Variants in CD5 observed in about 807,000 individuals in gnomAD.
CD5 encodes the protein CD5 molecule, also known as T-cell surface glycoprotein CD5.
Under a neutral mutation model 60.3 loss-of-function variants are expected in CD5, and 36 were observed. That is an observed-to-expected ratio of 0.60 (90% CI 0.46 to 0.79). The LOEUF is 0.79. Among genes scored for constraint, CD5 ranks in the 30% least tolerant of loss-of-function variants. The pLI is 0.00. For synonymous variants in CD5, 230 were observed against 257.6 expected (o/e 0.89, Z 1.03); for missense variants, 540 against 630.6 (o/e 0.86, Z 1.54).
intron 2 of CD5, among the ~76,000 whole-genome samples, chr11:61,115,496 G>T (rs115187369): frequency 0.029 from 4,463 of 152,268 alleles, 158 homozygotes; most frequent in African/African-American, 0.081. Flanking sequence ...GGTAAAGTGT[G>T]TGGAACGTCC....
At position 61,119,586 on chromosome 11, in the gene CD5, C is replaced by A. The variant is rs79295876; in HGVS notation, c.805+11C>A. On this transcript the variant is annotated intron_variant, in intron 5 of 10. Transcript: ENST00000347785. ...CCCTCCTTTGCTCAGGTAAGTGAGACCTGGCCAAGCCCCATGACACCTTCT... is the reference window on the plus strand; with the variant it reads ...CCCTCCTTTGCTCAGGTAAGTGAGAACTGGCCAAGCCCCATGACACCTTCT... The A allele has an allele frequency of 9.0e-4, 1,421 of 1,585,988 alleles. No individual in the cohort carries two copies. The highest frequency in any genetic ancestry group is 9.7e-4 in the Non-Finnish European group (1,132 of 1,166,038).
intron 2 of CD5, among the ~76,000 whole-genome samples, chr11:61,116,597 C>T (rs977436645): frequency 1.7e-5 from 1 of 60,568 alleles, no homozygotes; most frequent in Non-Finnish European, 3.4e-5. Context: ...GCACACTACA[C>T]ACCACACACC....
intron 2 of CD5, among the ~76,000 whole-genome samples, chr11:61,117,840 C>T (rs952446168): frequency 2.0e-5 from 3 of 152,196 alleles, no homozygotes; most frequent in African/African-American, 7.2e-5. Context: ...CAGACACCAG[C>T]CCCAATCTCA....
Position 61,118,110 on chromosome 11 carries a change from C to A in CD5, c.95-65C>A. 1 of 1,515,858 alleles carries A rather than the reference C, an allele frequency of 6.6e-7. No homozygotes were observed. Among genetic ancestry groups the A allele is most frequent in the Non-Finnish European group, 9.0e-7 (1 of 1,107,070 alleles). 93.9% of individuals were successfully genotyped at this position (1,515,858 alleles called of 1,614,324 possible). A position where few individuals can be genotyped will look rare whatever the true frequency, so the allele number is the denominator to read the frequency against. ...TCAACTGGGCGTCCTAGGGAGAGGG[C>A]AGTGAGGGGTGCCAGTGGGGAACCC... On this transcript the variant is annotated intron_variant, in intron 2 of 10. Transcript: ENST00000347785. The surrounding 1 kb of genome is among the most constrained non-coding windows in gnomAD (Gnocchi z 4.7).
upstream of CD5, among the ~76,000 whole-genome samples, chr11:61,100,928 ACAC>A (rs1372747787): frequency 6.8e-6 from 1 of 147,022 alleles, no homozygotes; most frequent in African/African-American, 2.6e-5. Context: ...GATCACACAC[ACAC>A]ATCAACATGG....
the CD5 span, among the ~76,000 whole-genome samples, chr11:61,097,467 A>T: frequency 6.6e-6 from 1 of 152,354 alleles, no homozygotes; most frequent in African/African-American, 2.4e-5. Context: ...TCACATAGAG[A>T]GGAATCCATT....
At chr11:61,099,312 T>C (rs2134584730), upstream of CD5, among the ~76,000 whole-genome samples, 1 of 149,070 alleles carries the variant, frequency 6.7e-6, no homozygotes, top group East Asian at 2.0e-4. Flanking sequence ...CACCCCAACA[T>C]GGAGATCACA....
intron 7 of CD5, 36 bp from the exon 8 acceptor site, chr11:61,123,848 C>A: frequency 1.9e-6 from 3 of 1,561,672 alleles, no homozygotes; most frequent in Non-Finnish European, 1.8e-6. Flanking sequence ...TACCTGCCCC[C>A]ACCACTCTGA....
chr11:61,121,882 C>G lies in CD5; in HGVS notation c.1077C>G (p.Tyr359Ter). Reference protein sequence around the residue: ...QCHELWERNSYCKKVFVTCQD... With the variant: ...QCHELWERNS ...ACGAACTTTGGGAGAGAAATTCCTA[C>G]TGCAAGAAGGTGTTTGTCACATGTG... The change falls in exon 6 of 11, where the codon TAC (tyrosine) becomes TAG (stop). Residue 359 changes from tyrosine to a stop codon, truncating the protein, a stop_gained. Transcript: ENST00000347785. LOFTEE classifies it high-confidence loss of function. The G allele has an allele frequency of 6.4e-7, 1 of 1,553,954 alleles. No individual in the cohort carries two copies. The highest frequency in any genetic ancestry group is 1.4e-5 in the African/African-American group (1 of 73,648).
intron 9 of CD5, 24 bp downstream of exon 9, chr11:61,125,175 G>C (rs894071947): frequency 6.2e-7 from 1 of 1,613,468 alleles, no homozygotes; most frequent in Non-Finnish European, 8.5e-7. Flanking sequence ...GGTGCTCCCA[G>C]GCACGCAGGC....
At chr11:61,107,793 G>C (rs1860797554) in intron 1 of CD5, among the ~76,000 whole-genome samples, 1 of 152,178 alleles carries the variant, frequency 6.6e-6, no homozygotes, top group South Asian at 2.1e-4. Context: ...TCCTCTCCGG[G>C]GGACAGATAC....
At position 61,115,087 on chromosome 11, in the gene CD5, T is replaced by G. The variant is rs1191728152; in HGVS notation, c.87T>G (p.Tyr29Ter). 7.7e-6 allele frequency: 12 copies of G among 1,558,084 alleles called. No individual in the cohort carries two copies. The highest frequency in any genetic ancestry group is 1.0e-5 in the Non-Finnish European group (12 of 1,150,246). ...CCTGCCTCGGACGGCTCAGCTGGTA[T>G]GACCCAGGTAAGGAAGAGCCACATG... ...VASCLGRLSW[Y>*]DPDFQARLTR... The change falls in exon 2 of 11, where the codon TAT becomes TAG. Residue 29 changes from tyrosine to a stop codon, truncating the protein, a stop_gained. Coordinates refer to ENST00000347785, the MANE Select transcript of CD5 (RefSeq NM_014207.4). LOFTEE classifies it high-confidence loss of function.
intron 2 of CD5, among the ~76,000 whole-genome samples, 181 bp downstream of exon 2, chr11:61,115,275 T>G (rs569536212): frequency 6.6e-6 from 1 of 152,216 alleles, no homozygotes; most frequent in South Asian, 2.1e-4. Context: ...CACATTAAGA[T>G]GCTCACATGC....
chr11:61,109,575 C>T (rs140729715), intron 1 of CD5, among the ~76,000 whole-genome samples: 26 of 151,822 alleles, frequency 1.7e-4, no homozygotes, highest in African/African-American at 5.8e-4. Flanking sequence ...GCAAATAAAA[C>T]TCATGGGATG....
intron 1 of CD5, among the ~76,000 whole-genome samples, chr11:61,110,855 G>A (rs1480007129): frequency 6.6e-6 from 1 of 152,158 alleles, no homozygotes; most frequent in African/African-American, 2.4e-5. Flanking sequence ...TAAAGTGTTG[G>A]TGATGGTGAC....
intron 1 of CD5, among the ~76,000 whole-genome samples, chr11:61,114,733 C>T (rs181215223): frequency 6.6e-6 from 1 of 152,142 alleles, no homozygotes; most frequent in Admixed American, 6.5e-5. Flanking sequence ...CTGGTGTATA[C>T]CTTGATTGTG....
intron 1 of CD5, 51 bp downstream of exon 1, chr11:61,102,666 A>G (rs1472826044): frequency 6.9e-7 from 1 of 1,450,838 alleles, no homozygotes; most frequent in Non-Finnish European, 9.5e-7. Flanking sequence ...GCTCCAGTGC[A>G]AGGAAGGAGT....
At chr11:61,098,054 T>C (rs1407092681), upstream of CD5, among the ~76,000 whole-genome samples, 3 of 152,180 alleles carry the variant, frequency 2.0e-5, no homozygotes, top group Non-Finnish European at 4.4e-5. Context: ...TAGTTGAAGA[T>C]ATAGTTAGAG....
chr11:61,106,918 A>C (rs1354771016), intron 1 of CD5, among the ~76,000 whole-genome samples: 1 of 152,168 alleles, frequency 6.6e-6, no homozygotes, highest in Non-Finnish European at 1.5e-5. Context: ...TATGGATTGA[A>C]CACCTACTAT....
Sources: gnomAD v4.1 joint callset for allele counts (sites outside exome capture counted in the v4.1 genomes callset) on GRCh38, gnomAD v4.1.1 for gene constraint, Gnocchi (gnomAD v3.1) non-coding constraint, MANE v1.5 for transcripts, NCBI Gene and HGNC (gene_info 2026-07-23, HGNC 2026-07-21) for gene names.